CHCT1: variants seen among roughly 807,000 people sequenced by gnomAD.
The protein encoded by CHCT1 is CHD1 helical C-terminal domain containing 1.
At chr17:60,427,427 T>C in the CHCT1 span, among the ~76,000 whole-genome samples, 1 of 150,808 alleles carries the variant, frequency 6.6e-6, no homozygotes, top group Admixed American at 6.6e-5. Context: ...CAGCTAGTCT[T>C]TTTTTTTTGA....
the CHCT1 span, chr17:60,422,358 C>T: frequency 9.1e-7 from 1 of 1,093,890 alleles, no homozygotes; most frequent in Non-Finnish European, 1.2e-6. Context: ...ACATCTTGCT[C>T]CGTTCCCTAG....
At chr17:60,426,775 A>T in the CHCT1 span, 1 of 1,610,352 alleles carries the variant, frequency 6.2e-7, no homozygotes, top group Admixed American at 1.7e-5. Flanking sequence ...AGCTTCGCCG[A>T]CTTTACAAGT....
the CHCT1 span, among the ~76,000 whole-genome samples, chr17:60,429,104 G>A: frequency 2.0e-5 from 3 of 152,006 alleles, no homozygotes; most frequent in Admixed American, 2.0e-4. Flanking sequence ...AAAACAATAA[G>A]ACACTGCAGT....
the CHCT1 span, chr17:60,429,499 C>G: frequency 3.1e-6 from 5 of 1,614,118 alleles, no homozygotes; most frequent in Non-Finnish European, 4.2e-6. Context: ...ACATGCAGAC[C>G]CCAGGTCAAG....
At chr17:60,426,905 C>A in the CHCT1 span, 2 of 1,533,530 alleles carry the variant, frequency 1.3e-6, no homozygotes, top group Middle Eastern at 1.7e-4. Flanking sequence ...TTGACACACC[C>A]AGAGCCCCTC....
chr17:60,429,585 G>T, the CHCT1 span: 2 of 1,602,048 alleles, frequency 1.2e-6, no homozygotes, highest in Non-Finnish European at 1.7e-6. Context: ...TTGGGGTGAT[G>T]CCTGGACCCA....
chr17:60,422,691 T>C, the CHCT1 span: 1 of 1,504,546 alleles, frequency 6.6e-7, no homozygotes, highest in Non-Finnish European at 8.9e-7. Context: ...CCGGAGGGGC[T>C]GGTTTTGGAA....
the CHCT1 span, among the ~76,000 whole-genome samples, chr17:60,428,433 A>G: frequency 6.6e-6 from 1 of 152,094 alleles, no homozygotes; most frequent in South Asian, 2.1e-4. Context: ...CTTCTGAATA[A>G]GAGGAGCTGC....
the CHCT1 span, chr17:60,422,621 A>C: frequency 5.8e-6 from 9 of 1,550,316 alleles, no homozygotes; most frequent in East Asian, 2.2e-4. Flanking sequence ...CAAGGGGGTG[A>C]AGGGGACAAG....
At chr17:60,422,306 TG>T in the CHCT1 span, 1 of 541,970 alleles carries the variant, frequency 1.8e-6, no homozygotes, top group Non-Finnish European at 3.0e-6. Context: ...CAGCCTCTCC[TG>T]GCCTGCTGTG....
At chr17:60,421,642 G>A in the CHCT1 span, 1 of 958,276 alleles carries the variant, frequency 1.0e-6, no homozygotes. Context: ...GCCGCCCAGG[G>A]ACGCGAGGGG....
At chr17:60,427,127 C>G in the CHCT1 span, among the ~76,000 whole-genome samples, 10 of 152,284 alleles carry the variant, frequency 6.6e-5, no homozygotes, top group Non-Finnish European at 1.5e-4. Flanking sequence ...ATGGAAGCGG[C>G]CGTGTAGAGT....
At chr17:60,421,769 G>A in the CHCT1 span, 3 of 898,242 alleles carry the variant, frequency 3.3e-6, no homozygotes, top group Non-Finnish European at 4.0e-6. Flanking sequence ...CCTCGGCCTC[G>A]GGTCCCTGGA....
the CHCT1 span, chr17:60,426,343 C>T: frequency 6.5e-7 from 1 of 1,549,058 alleles, no homozygotes; most frequent in South Asian, 1.2e-5. Flanking sequence ...GAAAGTAGGG[C>T]AGTCTCTTTG....
the CHCT1 span, chr17:60,425,762 G>A: frequency 1.3e-6 from 2 of 1,531,128 alleles, no homozygotes; most frequent in Non-Finnish European, 1.8e-6. Flanking sequence ...CCCCGGCTTA[G>A]TGCCCCCTGC....
chr17:60,421,748 C>T, the CHCT1 span: 2 of 830,474 alleles, frequency 2.4e-6, no homozygotes, highest in Non-Finnish European at 2.9e-6. Context: ...CTCTGCCCAC[C>T]GCGTTTCCGC....
chr17:60,430,771 G>T, the CHCT1 span, among the ~76,000 whole-genome samples: 1 of 152,228 alleles, frequency 6.6e-6, no homozygotes, highest in African/African-American at 2.4e-5. Context: ...GTGAGCCACT[G>T]TGCCTGGCCA....
the CHCT1 span, among the ~76,000 whole-genome samples, chr17:60,430,322 A>T: frequency 1.1e-4 from 17 of 151,846 alleles, no homozygotes. Flanking sequence ...TACATAAGAG[A>T]TGAGGTTATG....
the CHCT1 span, among the ~76,000 whole-genome samples, chr17:60,423,302 C>T: frequency 6.6e-6 from 1 of 151,616 alleles, no homozygotes; most frequent in Non-Finnish European, 1.5e-5. Context: ...AGCAATTTAT[C>T]CTGCCTCAGC....
Sources: gnomAD v4.1 joint callset for allele counts (sites outside exome capture counted in the v4.1 genomes callset) on GRCh38, gnomAD v4.1.1 for gene constraint, MANE v1.5 for transcripts, NCBI Gene and HGNC (gene_info 2026-07-23, HGNC 2026-07-21) for gene names.